The following DOT1L variants were observed in gnomAD, a reference collection of about 807,000 sequenced individuals.
DOT1L encodes the protein DOT1 like histone lysine methyltransferase, also known as histone-lysine N-methyltransferase, H3 lysine-79 specific.
DOT1L carries 33 observed loss-of-function variants against 153.3 expected under a neutral mutation model. The observed-to-expected ratio is 0.22, with a 90% CI of 0.16 to 0.29. The LOEUF (loss-of-function observed/expected upper bound fraction) is 0.29, where lower values mean the gene tolerates loss of function less well. DOT1L is among the 10% of genes least tolerant of loss of function. The probability of loss-of-function intolerance (pLI) is 1.00; values close to 1 mark genes in which losing one functional copy is unlikely to be tolerated. For synonymous variants in DOT1L, 1,135 were observed against 965.1 expected (o/e 1.18, Z -3.26); for missense variants, 1,847 against 2,119.9 (o/e 0.87, Z 2.53).
At position 2,220,033 on chromosome 19, in the gene DOT1L, C is replaced by A; in HGVS notation, c.2692-75C>A. On this transcript the variant is annotated intron_variant, in intron 22 of 27. Coordinates refer to ENST00000398665, the MANE Select transcript of DOT1L (RefSeq NM_032482.3). This position sits in a 1 kb window ranked among gnomAD's most constrained non-coding sequence, Gnocchi z 4.5. The stretch of plus-strand genomic sequence containing the variant: ...CCCCAGCCAGCTGCAGGCCTCAACA[C>A]TCACTGTTTCCAGCTGGGTTCTGGG... 1 of 1,392,730 alleles carries A rather than the reference C, an allele frequency of 7.2e-7. No individual in the cohort carries two copies. The highest frequency in any genetic ancestry group is 9.9e-7 in the Non-Finnish European group (1 of 1,012,796). The allele number at this position is 1,392,730 out of a possible 1,614,324, so 86.3% of individuals were successfully genotyped here.
Position 2,230,419 on chromosome 19 carries a change from C to T in DOT1L, c.*627C>T, listed in dbSNP as rs559199402. On this transcript the variant is annotated 3_prime_UTR_variant, in exon 28 of 28. Coordinates refer to ENST00000398665, the MANE Select transcript of DOT1L (RefSeq NM_032482.3). ...GTGAACCCCCAGACTGTTCACCCTC[C>T]GGGGCGTGGGTTGCGCCCTTGCATG... is the stretch of plus-strand genomic sequence containing the variant. 4.5e-5 allele frequency: 18 copies of T among 400,234 alleles called. No individual in the cohort carries two copies. Among genetic ancestry groups the T allele is most frequent in the South Asian group, 1.3e-4 (1 of 7,966 alleles). 24.8% of individuals were successfully genotyped at this position (400,234 alleles called of 1,614,324 possible).
chr19:2,188,104 C>T (rs562484819), intron 3 of DOT1L: 1 of 152,304 alleles, frequency 6.6e-6, no homozygotes, highest in Admixed American at 6.5e-5. Flanking sequence ...TCCGGAGGAT[C>T]CAGGTCCTGT....
intron 12 of DOT1L, 75 bp from the exon 13 acceptor site, chr19:2,210,324 CT>C (rs1192203976): frequency 1.5e-6 from 2 of 1,311,946 alleles, no homozygotes; most frequent in African/African-American, 3.0e-5. Flanking sequence ...TGAGTCTGAG[CT>C]CCGCGTGCCT....
chr19:2,188,480 G>GCCCCCC (rs375314788), intron 3 of DOT1L, among the ~76,000 whole-genome samples: 8 of 66,998 alleles, frequency 1.2e-4, no homozygotes, highest in African/African-American at 2.1e-4. Flanking sequence ...CCCAGCCGCC[G>GCCCCCC]CCCCCCCCCC....
In DOT1L at chr19:2,194,625, G is replaced by T. The variant is rs185877819; in HGVS notation, c.651+48G>T. 5.8e-4 allele frequency: 809 copies of T among 1,395,086 alleles called. 7 individuals carry two copies. In the East Asian group the frequency reaches 0.021, roughly 36 times the overall value. The allele number at this position is 1,395,086 out of a possible 1,614,324, so 86.4% of individuals were successfully genotyped here. A position where few individuals can be genotyped will look rare whatever the true frequency, so the allele number is the denominator to read the frequency against. On this transcript the variant is annotated intron_variant, in intron 7 of 27. Coordinates refer to ENST00000398665, the MANE Select transcript of DOT1L (RefSeq NM_032482.3). ...GGCTCCCATCGCCGGCCCCACCCCC[G>T]CTCCCACCCTCCTGTCAGCCCCTCC...
In DOT1L at chr19:2,184,772, C is replaced by T. The variant is rs8111059; in HGVS notation, c.126-1083C>T. On this transcript the variant is annotated intron_variant, in intron 2 of 27. Coordinates refer to ENST00000398665, the MANE Select transcript of DOT1L (RefSeq NM_032482.3). ...ACACGGGGCTGCTCAGATCTCCGTC[C>T]TTGTTCCTTCGGTGAATTGCAGTGA... Among the ~76,000 whole-genome samples, 213 of 152,334 alleles carry T rather than the reference C, an allele frequency of 1.4e-3. 1 individual carries two copies. Among genetic ancestry groups the T allele is most frequent in the African/African-American group, 4.8e-3 (199 of 41,580 alleles).
Position 2,226,582 on chromosome 19 carries a change from C to G in DOT1L, c.4061C>G (p.Pro1354Arg). 1.2e-6 allele frequency: 2 copies of G among 1,600,066 alleles called. No individual in the cohort carries two copies. The highest frequency in any genetic ancestry group is 1.7e-6 in the Non-Finnish European group (2 of 1,178,042). The change falls in exon 27 of 28, where the codon CCC (proline) becomes CGC (arginine). Residue 1354 changes from proline (P) to arginine (R), a missense_variant. By Grantham distance (103) the Pro-to-Arg change is moderately radical (BLOSUM62 -2). Coordinates refer to ENST00000398665, the MANE Select transcript of DOT1L (RefSeq NM_032482.3). ...AAGLSSPLSF[P>R]SQRGKEGSDA... ...GGCCTGAGCTCCCCGCTGAGCTTCC[C>G]CTCGCAGCGCGGCAAGGAGGGCTCG...
At chr19:2,213,439 G>A (rs2023782660) in intron 16 of DOT1L, 100 bp from the exon 17 acceptor site, 2 of 1,219,588 alleles carry the variant, frequency 1.6e-6, no homozygotes, top group African/African-American at 1.5e-5. Flanking sequence ...CTGTCCTTGA[G>A]CGTGTCTTCA....
At chr19:2,171,518 T>C (rs1184042848) in intron 1 of DOT1L, among the ~76,000 whole-genome samples, 2 of 152,122 alleles carry the variant, frequency 1.3e-5, no homozygotes, top group Non-Finnish European at 2.9e-5. Flanking sequence ...AGGATGCTGC[T>C]CATCACTCAC....
rs139754435 is a variant in DOT1L, at chr19:2,213,962, G to T, written c.1773G>T (p.Ala591=). 6.2e-7 allele frequency: 1 copy of T among 1,612,798 alleles called. No homozygotes were observed. The highest frequency in any genetic ancestry group is 1.7e-4 in the Middle Eastern group (1 of 6,060). The part of the protein sequence containing the change: ...QSEQLEQDNR[A]LRGQSLQLLK... ...AGCAGCTGGAGCAGGACAACCGCGC[G>T]CTCCGCGGCCAGAGCTTGCAGCTGG... Residue 591 remains alanine, a synonymous_variant, in exon 18 of 28, where the codon GCG becomes GCT. Transcript: ENST00000398665.
In DOT1L at chr19:2,220,464, C is replaced by G; in HGVS notation, c.2806+242C>G. On this transcript the variant is annotated intron_variant, in intron 23 of 27. Coordinates refer to ENST00000398665, the MANE Select transcript of DOT1L (RefSeq NM_032482.3). The surrounding 1 kb of genome is among the most constrained non-coding windows in gnomAD (Gnocchi z 4.5). The stretch of plus-strand genomic sequence containing the variant: ...GGTCTCCCGACACTGACACCTCCTG[C>G]TTGGGTGTATTAATTCAGCCCGTGA... 1.6e-6 allele frequency: 1 copy of G among 625,850 alleles called. No homozygotes were observed. Among genetic ancestry groups the G allele is most frequent in the Non-Finnish European group, 3.0e-6 (1 of 335,838 alleles). The allele number at this position is 625,850 out of a possible 1,614,324, so 38.8% of individuals were successfully genotyped here.
chr19:2,175,199 T>C (rs2021866820), intron 1 of DOT1L, among the ~76,000 whole-genome samples: 2 of 152,040 alleles, frequency 1.3e-5, no homozygotes, highest in Non-Finnish European at 2.9e-5. Flanking sequence ...AGGGTTTCAC[T>C]GTGTTAGCCA....
At position 2,231,589 on chromosome 19, in the gene DOT1L, C is replaced by T. The variant is rs1245543027; in HGVS notation, c.*1797C>T. 2 of 206,848 alleles carry T rather than the reference C, an allele frequency of 9.7e-6. No individual in the cohort carries two copies. Among genetic ancestry groups the T allele is most frequent in the East Asian group, 7.3e-5 (1 of 13,622 alleles). The allele number at this position is 206,848 out of a possible 1,614,324, so 12.8% of individuals were successfully genotyped here. A position where few individuals can be genotyped will look rare whatever the true frequency, so the allele number is the denominator to read the frequency against. ...GTCCTCTTAAGTGGTGCCCAGTGCC[C>T]TCCCCACCCCACGTTGGTGCTCTCA... On this transcript the variant is annotated 3_prime_UTR_variant, in exon 28 of 28. Coordinates refer to ENST00000398665, the MANE Select transcript of DOT1L (RefSeq NM_032482.3).
chr19:2,194,439 G>A (rs1242576841), intron 6 of DOT1L, 76 bp from the exon 7 acceptor site: 39 of 1,561,480 alleles, frequency 2.5e-5, no homozygotes, highest in Non-Finnish European at 3.0e-5. Context: ...CCAAAGTGCC[G>A]GGATTACAGG....
intron 8 of DOT1L, among the ~76,000 whole-genome samples, chr19:2,200,878 TTCCTCCCCGCATTCTTCA>T (rs1237420366): frequency 1.0e-5 from 1 of 100,146 alleles, no homozygotes; most frequent in Non-Finnish European, 2.0e-5. Flanking sequence ...TGTATTCCTC[TTCCTCCCCGCATTCTTCA>T]TCCTCCCCTC....
chr19:2,191,297 C>A lies in DOT1L; in HGVS notation c.493+57C>A. 1 of 1,543,996 alleles carries A rather than the reference C, an allele frequency of 6.5e-7. No individual in the cohort carries two copies. Among genetic ancestry groups the A allele is most frequent in the Non-Finnish European group, 8.9e-7 (1 of 1,119,486 alleles). On this transcript the variant is annotated intron_variant, in intron 5 of 27. Transcript: ENST00000398665. This position sits in a 1 kb window ranked among gnomAD's most constrained non-coding sequence, Gnocchi z 6.8. Reference sequence around the variant, plus strand: ...GCACTTCCAGGCCACACGCTCTGTGCCTGCCCCATGCCTGCTTGGAGAAGA... The same window carrying A: ...GCACTTCCAGGCCACACGCTCTGTGACTGCCCCATGCCTGCTTGGAGAAGA...
At chr19:2,183,969 G>C (rs1229580999) in intron 2 of DOT1L, among the ~76,000 whole-genome samples, 1 of 152,134 alleles carries the variant, frequency 6.6e-6, no homozygotes, top group Non-Finnish European at 1.5e-5. Flanking sequence ...TTTGCTGCTA[G>C]TATGTGTAAA....
chr19:2,218,857 C>T (rs1258247347), intron 22 of DOT1L, among the ~76,000 whole-genome samples: 6 of 151,942 alleles, frequency 3.9e-5, no homozygotes, highest in Non-Finnish European at 5.9e-5. Flanking sequence ...CCACCACGCC[C>T]GGTTAATCCC....
chr19:2,179,535 C>T (rs537506159), intron 1 of DOT1L, among the ~76,000 whole-genome samples: 6 of 152,120 alleles, frequency 3.9e-5, no homozygotes, highest in East Asian at 3.9e-4. Flanking sequence ...TGGCTGGGCA[C>T]GGTGGCTCAG....
Sources: gnomAD v4.1 joint callset for allele counts (sites outside exome capture counted in the v4.1 genomes callset) on GRCh38, gnomAD v4.1.1 for gene constraint, Gnocchi (gnomAD v3.1) non-coding constraint, MANE v1.5 for transcripts, NCBI Gene and HGNC (gene_info 2026-07-23, HGNC 2026-07-21) for gene names.